The following TMC3 variants were observed in gnomAD, a reference collection of about 807,000 sequenced individuals.
TMC3 encodes transmembrane channel-like protein 3.
TMC3 carries 98 observed loss-of-function variants against 110.6 expected under a neutral mutation model. The ratio of observed to expected loss-of-function variants is 0.89; its 90% CI spans 0.75 to 1.05. TMC3 has a LOEUF of 1.05. Ranked by LOEUF, TMC3 falls within the 50% of genes least tolerant of loss-of-function variation. The pLI, the probability that TMC3 is intolerant of heterozygous loss-of-function variation, is 0.00. For missense variants in TMC3, 1,319 were observed against 1,373.2 expected (o/e 0.96, Z 0.62); for synonymous variants, 489 against 513.1 (o/e 0.95, Z 0.63).
chr15:81,350,312 C>A (rs886584364), intron 10 of TMC3, among the ~76,000 whole-genome samples: 15 of 152,114 alleles, frequency 9.9e-5, no homozygotes, highest in Non-Finnish European at 1.8e-4. Context: ...ACTTCCCTGA[C>A]CTTGGATGGA....
chr15:81,344,708 G>T lies in TMC3; in HGVS notation c.1518+58C>A, dbSNP rs1248481643. 4 of 1,534,032 alleles carry T rather than the reference G, an allele frequency of 2.6e-6. No homozygotes were observed. The African/African-American group carries it at 4.1e-5, about 16-fold the overall frequency. On this transcript the variant is annotated intron_variant, in intron 13 of 21. Coordinates refer to ENST00000359440, the MANE Select transcript of TMC3 (RefSeq NM_001080532.3). The stretch of plus-strand genomic sequence containing the variant: ...AGGGGCAGTGACAGCTCAGAGAGTT[G>T]CTGGGGTTAAGTGATGAGATGGATA...
Position 81,356,555 on chromosome 15 carries a change from G to T in TMC3, c.783C>A (p.Ser261=). The part of the protein sequence containing the change: ...KNSRTSLASA[S]NENYTFCWRV... ...GCCAGCAGAAGGTATAGTTTTCATT[G>T]GAAGCACTGGCAAGACTCGTGCGGG... Residue 261 remains serine (S), a synonymous_variant, in exon 8 of 22, where the codon TCC becomes TCA. Coordinates refer to ENST00000359440, the MANE Select transcript of TMC3 (RefSeq NM_001080532.3). 6.3e-7 allele frequency: 1 copy of T among 1,586,922 alleles called. No homozygotes were observed. The highest frequency in any genetic ancestry group is 8.6e-7 in the Non-Finnish European group (1 of 1,166,558).
rs143929525 is a variant in TMC3 at position 81,351,757 on chromosome 15, C to A, written c.1020G>T (p.Val340=). The change falls in exon 10 of 22, where the codon GTG becomes GTT. Residue 340 remains valine, a synonymous_variant. Coordinates refer to ENST00000359440, the MANE Select transcript of TMC3 (RefSeq NM_001080532.3). ...LAGSIYLIYF[V]VDRSQKLEQS... ...GCTCCAGCTTCTGGGACCGGTCCAC[C>A]ACAAAGTAGATGAGATAAATGCTCC... The A allele has an allele frequency of 1.2e-5, 19 of 1,596,928 alleles. No homozygotes were observed. Among genetic ancestry groups the A allele is most frequent in the Middle Eastern group, 3.3e-4 (2 of 6,036 alleles).
rs746177654 is a variant in TMC3 at position 81,334,987 on chromosome 15, G to A, written c.2204-12C>T. 3.1e-6 allele frequency: 5 copies of A among 1,612,172 alleles called. No homozygotes were observed. Among genetic ancestry groups the A allele is most frequent in the South Asian group, 2.2e-5 (2 of 91,022 alleles). ...GGTCTGGATTCGGGCTGCAGGGAGAGGGAGGTGTTGTGAGAAGACAGGTGT... is the reference window on the plus strand; with the variant it reads ...GGTCTGGATTCGGGCTGCAGGGAGAAGGAGGTGTTGTGAGAAGACAGGTGT... On this transcript the variant is annotated splice_polypyrimidine_tract_variant and intron_variant, in intron 20 of 21. Coordinates refer to ENST00000359440, the MANE Select transcript of TMC3 (RefSeq NM_001080532.3).
chr15:81,372,395 CACACACACACACAG>C (rs1430785059), intron 2 of TMC3, among the ~76,000 whole-genome samples, 182 bp downstream of exon 2: 1 of 139,324 alleles, frequency 7.2e-6, no homozygotes, highest in Non-Finnish European at 1.5e-5. Flanking sequence ...CACACACACA[CACACACACACACAG>C]AGGAACTGGC....
chr15:81,372,872 T>C lies in TMC3; in HGVS notation c.90-135A>G, dbSNP rs1011687250. On this transcript the variant is annotated intron_variant, in intron 1 of 21. Transcript: ENST00000359440. Reference sequence around the variant, plus strand: ...TATGAAATGTGTATGTGTTTGTGCGTGTGTGTGTGTGTGTGTGTGTGTGTG... The same window carrying C: ...TATGAAATGTGTATGTGTTTGTGCGCGTGTGTGTGTGTGTGTGTGTGTGTG... 1.9e-5 allele frequency: 8 copies of C among 414,910 alleles called. No individual in the cohort carries two copies. The African/African-American group carries it at 2.5e-4, about 13-fold the overall frequency. 25.7% of individuals were successfully genotyped at this position (414,910 alleles called of 1,614,324 possible). A position where few individuals can be genotyped will look rare whatever the true frequency, so the allele number is the denominator to read the frequency against.
chr15:81,366,787 T>A (rs572778483), intron 3 of TMC3, among the ~76,000 whole-genome samples: 1 of 152,316 alleles, frequency 6.6e-6, no homozygotes, highest in East Asian at 1.9e-4. Flanking sequence ...AATGCCAAGA[T>A]GTGTCCTTAG....
chr15:81,339,933 C>T (rs1194253749), intron 16 of TMC3, among the ~76,000 whole-genome samples: 2 of 152,206 alleles, frequency 1.3e-5, no homozygotes, highest in African/African-American at 2.4e-5. Flanking sequence ...GATGGTTTGG[C>T]TCTTTTGTTT....
At position 81,331,931 on chromosome 15, in the gene TMC3, A is replaced by G. The variant is rs2141685356; in HGVS notation, c.*488T>C. On this transcript the variant is annotated 3_prime_UTR_variant, in exon 22 of 22. Coordinates refer to ENST00000359440, the MANE Select transcript of TMC3 (RefSeq NM_001080532.3). Reference sequence around the variant, plus strand: ...GAAGAATCGTGGGGAGAAGCAACGCAAGACCCCGGAAGCATGCCAACGTGT... The same window carrying G: ...GAAGAATCGTGGGGAGAAGCAACGCGAGACCCCGGAAGCATGCCAACGTGT... 6.5e-6 allele frequency: 1 copy of G among 154,072 alleles called. No homozygotes were observed. Among genetic ancestry groups the G allele is most frequent in the South Asian group, 2.0e-4 (1 of 4,934 alleles). 9.5% of individuals were successfully genotyped at this position (154,072 alleles called of 1,614,324 possible).
intron 4 of TMC3, among the ~76,000 whole-genome samples, chr15:81,361,222 C>T (rs7169586): frequency 0.011 from 1,696 of 151,838 alleles, 37 homozygotes; most frequent in African/African-American, 0.038. Flanking sequence ...GTACTTTTTC[C>T]TCCTTCACTT....
chr15:81,335,139 T>A lies in TMC3; in HGVS notation c.2204-164A>T, dbSNP rs1418295561. ...CCAGTGGGCAACAAACATTCTGTAA[T>A]TCAAATGATTTCATCCCTGCAAGTT... On this transcript the variant is annotated intron_variant, in intron 20 of 21. Coordinates refer to ENST00000359440, the MANE Select transcript of TMC3 (RefSeq NM_001080532.3). Among the ~76,000 whole-genome samples, 4 of 152,298 alleles carry A rather than the reference T, an allele frequency of 2.6e-5. No individual in the cohort carries two copies. The East Asian group carries it at 7.7e-4, about 29-fold the overall frequency.
chr15:81,332,419 C>G lies in TMC3; in HGVS notation c.3303G>C (p.Ter1101TyrextTer30), dbSNP rs376468406. 6.3e-7 allele frequency: 1 copy of G among 1,597,660 alleles called. No homozygotes were observed. ...DLDDLICSDV* is the reference protein window; with the variant it reads ...DLDDLICSDVY ...CTAGGAACGGGACACTGGAGGAAGCCTAGACATCTGAACAAATCAAGTCAT... is the reference window on the plus strand; with the variant it reads ...CTAGGAACGGGACACTGGAGGAAGCGTAGACATCTGAACAAATCAAGTCAT... The change falls in exon 22 of 22, where the codon TAG (stop) becomes TAC (tyrosine). Residue 1101 changes from the stop codon to tyrosine, a stop_lost. Coordinates refer to ENST00000359440, the MANE Select transcript of TMC3 (RefSeq NM_001080532.3).
At chr15:81,347,542 T>C (rs767172109) in intron 11 of TMC3, among the ~76,000 whole-genome samples, 6 of 152,226 alleles carry the variant, frequency 3.9e-5, no homozygotes, top group African/African-American at 1.2e-4. Flanking sequence ...TCAGTAAGTG[T>C]TGGCCAAAGG....
intron 2 of TMC3, among the ~76,000 whole-genome samples, chr15:81,371,892 C>T (rs1050393811): frequency 1.3e-5 from 2 of 152,072 alleles, no homozygotes; most frequent in Non-Finnish European, 1.5e-5. Context: ...AAACGTGCTG[C>T]AGGAAGTTAA....
In TMC3 at chr15:81,332,610, G is replaced by GGGAT; in HGVS notation, c.3108_3111dup (p.Leu1038IlefsTer6). ...GCCGACACGGAGTCAGATTCCGTGA[G>GGGAT]GGATGGCTCGAACCTGGGCTTCCCT... On this transcript the variant is annotated frameshift_variant, in exon 22 of 22. Coordinates refer to ENST00000359440, the MANE Select transcript of TMC3 (RefSeq NM_001080532.3). LOFTEE classifies it low-confidence loss of function (END_TRUNC). The GGGAT allele has an allele frequency of 6.2e-7, 1 of 1,613,912 alleles. No homozygotes were observed. Among genetic ancestry groups the GGGAT allele is most frequent in the Non-Finnish European group, 8.5e-7 (1 of 1,179,842 alleles).
At chr15:81,359,515 C>T in intron 4 of TMC3, 44 bp from the exon 5 acceptor site, 1 of 1,320,192 alleles carries the variant, frequency 7.6e-7, no homozygotes, top group South Asian at 1.4e-5. Flanking sequence ...ATAAAATCCT[C>T]ATAGTGCAAG....
intron 20 of TMC3, 69 bp downstream of exon 20, chr15:81,336,540 C>T (rs1199396756): frequency 6.6e-7 from 1 of 1,507,022 alleles, no homozygotes; most frequent in African/African-American, 1.4e-5. Context: ...TGCACTCCAG[C>T]CTGGGCGACA....
intron 21 of TMC3, among the ~76,000 whole-genome samples, chr15:81,333,601 C>T (rs1176721850): frequency 6.6e-6 from 1 of 152,202 alleles, no homozygotes; most frequent in East Asian, 1.9e-4. Flanking sequence ...GTTAGGAACA[C>T]AGTTTCTCAT....
At chr15:81,364,182 T>C (rs556943907) in intron 3 of TMC3, among the ~76,000 whole-genome samples, 12 of 152,150 alleles carry the variant, frequency 7.9e-5, no homozygotes, top group Non-Finnish European at 1.5e-4. Flanking sequence ...CACCACCCCA[T>C]CAGTAGTGCT....
Sources: allele counts gnomAD v4.1 joint callset (sites outside exome capture counted in the v4.1 genomes callset), GRCh38; gene constraint gnomAD v4.1.1; transcripts MANE v1.5; gene names NCBI Gene and HGNC (gene_info 2026-07-23, HGNC 2026-07-21).